The following ZHX3 variants were observed in gnomAD, a reference collection of about 807,000 sequenced individuals.
ZHX3 encodes the protein zinc fingers and homeoboxes 3, also known as zinc fingers and homeoboxes protein 3.
A neutral mutation model predicts 64.5 loss-of-function variants in ZHX3; 20 were observed. The observed-to-expected ratio is 0.31, with a 90% CI of 0.22 to 0.45. ZHX3 has a LOEUF of 0.45. Ranked by LOEUF, ZHX3 falls within the 20% of genes least tolerant of loss-of-function variation. The pLI, the probability that ZHX3 is intolerant of heterozygous loss-of-function variation, is 1.00. For synonymous variants in ZHX3, 423 were observed against 461.6 expected (o/e 0.92, Z 1.07); for missense variants, 1,041 against 1,195.8 (o/e 0.87, Z 1.91).
intron 1 of ZHX3, among the ~76,000 whole-genome samples, chr20:41,307,106 G>A (rs528702249): frequency 6.6e-6 from 1 of 152,296 alleles, no homozygotes; most frequent in South Asian, 2.1e-4. Flanking sequence ...CCAAGCCCAG[G>A]AACCAAGTGT....
Position 41,185,343 on chromosome 20 carries a change from C to A in ZHX3, c.2861-142G>T. The A allele has an allele frequency of 1.0e-6, 1 of 978,564 alleles. No homozygotes were observed. The highest frequency in any genetic ancestry group is 1.6e-5 in the African/African-American group (1 of 60,958). The allele number at this position is 978,564 out of a possible 1,614,324, so 60.6% of individuals were successfully genotyped here. ...ATGAGCAATGAATGGCCTTCTGCCA[C>A]CCACTCCCCCACCCTCCAGCCTGAG... On this transcript the variant is annotated intron_variant, in intron 3 of 3. Coordinates refer to ENST00000683867, the MANE Select transcript of ZHX3 (RefSeq NM_001384317.1). The surrounding 1 kb of genome is among the most constrained non-coding windows in gnomAD (Gnocchi z 5.0).
chr20:41,202,144 C>G lies in ZHX3; in HGVS notation c.2773G>C (p.Glu925Gln), dbSNP rs2038277809. ...GMGDTYSEVS[E>Q]NSESWEPRVP... ...CGGGGCTCCCACGACTCACTGTTCT[C>G]AGACACCTCTGAATAGGTGTCACCC... The change falls in exon 3 of 4, where the codon GAG (glutamate) becomes CAG (glutamine). Residue 925 changes from glutamate to glutamine, a missense_variant. By Grantham distance (29) the Glu-to-Gln change is conservative. Coordinates refer to ENST00000683867, the MANE Select transcript of ZHX3 (RefSeq NM_001384317.1). This position sits in a 1 kb window ranked among gnomAD's most constrained non-coding sequence, Gnocchi z 7.0. The G allele has an allele frequency of 6.2e-7, 1 of 1,614,068 alleles. No homozygotes were observed. The highest frequency in any genetic ancestry group is 8.5e-7 in the Non-Finnish European group (1 of 1,180,028).
chr20:41,201,073 C>T lies in ZHX3; in HGVS notation c.2860+984G>A, dbSNP rs148384567. On this transcript the variant is annotated intron_variant, in intron 3 of 3. Coordinates refer to ENST00000683867, the MANE Select transcript of ZHX3 (RefSeq NM_001384317.1). The surrounding 1 kb of genome is among the most constrained non-coding windows in gnomAD (Gnocchi z 5.0). ...TCTGTGGGATTTCTGAGGGATAGGC[C>T]ACTATGGTTGGCCCTGGGGATGAGG... Among the ~76,000 whole-genome samples, 514 of 152,288 alleles carry T rather than the reference C, an allele frequency of 3.4e-3. 1 individual carries two copies. The highest frequency in any genetic ancestry group is 6.8e-3 in the Middle Eastern group (2 of 294).
intron 1 of ZHX3, among the ~76,000 whole-genome samples, chr20:41,294,335 T>A (rs973500419): frequency 1.3e-5 from 2 of 152,214 alleles, no homozygotes; most frequent in African/African-American, 4.8e-5. Context: ...GAGTAAATGA[T>A]GTCTAAGTTC....
chr20:41,222,919 AAAAG>A (rs972932484), intron 2 of ZHX3, among the ~76,000 whole-genome samples: 6 of 151,540 alleles, frequency 4.0e-5, no homozygotes, highest in South Asian at 2.1e-4. Flanking sequence ...AAAAAAAAAA[AAAAG>A]AAAGAAAGAA....
chr20:41,294,079 T>A (rs1174282854), intron 1 of ZHX3, among the ~76,000 whole-genome samples: 1 of 151,846 alleles, frequency 6.6e-6, no homozygotes, highest in Non-Finnish European at 1.5e-5. Flanking sequence ...GTTCCGAGGC[T>A]CCCCAGGGCT....
At chr20:41,300,949 A>C (rs2044778074) in intron 1 of ZHX3, among the ~76,000 whole-genome samples, 1 of 152,220 alleles carries the variant, frequency 6.6e-6, no homozygotes, top group Admixed American at 6.5e-5. Context: ...ACGCAAACCA[A>C]GTCAGACAAG....
intron 2 of ZHX3, among the ~76,000 whole-genome samples, chr20:41,207,559 T>C (rs2038823217): frequency 6.6e-6 from 1 of 152,316 alleles, no homozygotes; most frequent in Middle Eastern, 3.4e-3. Context: ...ACCGCTCAAC[T>C]ACATGGAAAC....
chr20:41,184,985 C>A lies in ZHX3; in HGVS notation c.*206G>T. 6.5e-7 allele frequency: 1 copy of A among 1,550,100 alleles called. No homozygotes were observed. The highest frequency in any genetic ancestry group is 8.7e-7 in the Non-Finnish European group (1 of 1,146,966). Reference sequence around the variant, plus strand: ...TGTGGGAGGAAGAACTGATGAGAACCCCATCTTGCTTGCTGCTTGCTTGGT... The same window carrying A: ...TGTGGGAGGAAGAACTGATGAGAACACCATCTTGCTTGCTGCTTGCTTGGT... On this transcript the variant is annotated 3_prime_UTR_variant, in exon 4 of 4. Coordinates refer to ENST00000683867, the MANE Select transcript of ZHX3 (RefSeq NM_001384317.1).
chr20:41,226,215 G>A lies in ZHX3; in HGVS notation c.-150-21149C>T, dbSNP rs1393724230. On this transcript the variant is annotated intron_variant, in intron 2 of 3. Transcript: ENST00000683867. The surrounding 1 kb of genome is among the most constrained non-coding windows in gnomAD (Gnocchi z 4.4). ...GATCGAAACCATTTTGGCTAACATG[G>A]TGAAACCCCATCTCTACTAAAAATA... 1.3e-5 allele frequency among the ~76,000 whole-genome samples: 2 copies of A among 152,070 alleles called. No individual in the cohort carries two copies. Among genetic ancestry groups the A allele is most frequent in the African/African-American group, 2.4e-5 (1 of 41,410 alleles).
chr20:41,199,173 G>C (rs1476363734), intron 3 of ZHX3, among the ~76,000 whole-genome samples: 1 of 152,008 alleles, frequency 6.6e-6, no homozygotes, highest in African/African-American at 2.4e-5. Context: ...CCTTTAGCTC[G>C]CTGAACATAC....
chr20:41,290,278 T>C (rs1296437977), intron 1 of ZHX3: 1 of 152,240 alleles, frequency 6.6e-6, no homozygotes, highest in East Asian at 1.9e-4. Context: ...TTTATTTCTC[T>C]TAGAGACAGG....
chr20:41,208,764 C>G (rs1265954810), intron 2 of ZHX3, among the ~76,000 whole-genome samples: 43 of 152,168 alleles, frequency 2.8e-4, no homozygotes, highest in Non-Finnish European at 1.2e-4. Context: ...TGGAAGCATT[C>G]CCTTTGAAAA....
intron 2 of ZHX3, among the ~76,000 whole-genome samples, chr20:41,233,693 GA>G (rs869170230): frequency 1.3e-5 from 2 of 152,148 alleles, no homozygotes; most frequent in African/African-American, 4.8e-5. Context: ...AAGAACAGAG[GA>G]AAAAGGCAAT....
At chr20:41,196,437 T>C (rs12624965) in intron 3 of ZHX3, among the ~76,000 whole-genome samples, 1 of 36,520 alleles carries the variant, frequency 2.7e-5, no homozygotes, top group Admixed American at 5.4e-4. Context: ...TATATAAATA[T>C]ATATATTATA....
In ZHX3 at chr20:41,178,524, C is replaced by G. The variant is rs1271489535; in HGVS notation, c.*6667G>C. On this transcript the variant is annotated 3_prime_UTR_variant, in exon 4 of 4. Transcript: ENST00000683867. ...CCATTGAGGCCCATTTCAAATTGTA[C>G]AAGCAATTTGTCCGTGTTCCCCTCC... 1 of 152,618 alleles carries G rather than the reference C, an allele frequency of 6.6e-6. No individual in the cohort carries two copies. The highest frequency in any genetic ancestry group is 6.5e-5 in the Admixed American group (1 of 15,290). The allele number at this position is 152,618 out of a possible 1,614,324, so 9.5% of individuals were successfully genotyped here.
chr20:41,214,058 G>A (rs538564711), intron 2 of ZHX3, among the ~76,000 whole-genome samples: 5 of 152,298 alleles, frequency 3.3e-5, no homozygotes, highest in Admixed American at 6.5e-5. Flanking sequence ...CAGGATGACA[G>A]AGCATGACCT....
At position 41,203,338 on chromosome 20, in the gene ZHX3, G is replaced by A; in HGVS notation, c.1579C>T (p.Leu527Phe). 6.2e-7 allele frequency: 1 copy of A among 1,614,172 alleles called. No individual in the cohort carries two copies. Among genetic ancestry groups the A allele is most frequent in the South Asian group, 1.1e-5 (1 of 91,080 alleles). Reference protein sequence around the residue: ...QFPGQSEVEHLTKVTGLSTRE... With the variant: ...QFPGQSEVEHFTKVTGLSTRE... ...GTACTGAGGCCCGTCACTTTTGTGA[G>A]ATGTTCAACTTCGCTCTGCCCTGGG... The change falls in exon 3 of 4, where the codon CTC becomes TTC. Residue 527 changes from leucine to phenylalanine, a missense_variant. Coordinates refer to ENST00000683867, the MANE Select transcript of ZHX3 (RefSeq NM_001384317.1). The surrounding 1 kb of genome is among the most constrained non-coding windows in gnomAD (Gnocchi z 7.1).
Position 41,184,781 on chromosome 20 carries a change from C to A in ZHX3, c.*410G>T. 1 of 1,057,134 alleles carries A rather than the reference C, an allele frequency of 9.5e-7. No individual in the cohort carries two copies. Among genetic ancestry groups the A allele is most frequent in the Non-Finnish European group, 1.3e-6 (1 of 754,058 alleles). The allele number at this position is 1,057,134 out of a possible 1,614,324, so 65.5% of individuals were successfully genotyped here. On this transcript the variant is annotated 3_prime_UTR_variant, in exon 4 of 4. Transcript: ENST00000683867. ...CAGGTCATTTTTAGAGATGACGTAACTGACAATGCACTGCTTGGCTAACCA... is the reference window on the plus strand; with the variant it reads ...CAGGTCATTTTTAGAGATGACGTAAATGACAATGCACTGCTTGGCTAACCA...
Sources: gnomAD v4.1 joint callset for allele counts (sites outside exome capture counted in the v4.1 genomes callset) on GRCh38, gnomAD v4.1.1 for gene constraint, Gnocchi (gnomAD v3.1) non-coding constraint, MANE v1.5 for transcripts, NCBI Gene and HGNC (gene_info 2026-07-23, HGNC 2026-07-21) for gene names.